The following FECH variants were observed in gnomAD, a reference collection of about 807,000 sequenced individuals.
FECH encodes the protein ferrochelatase.
FECH carries 40 observed loss-of-function variants against 56.9 expected under a neutral mutation model. The observed-to-expected ratio is 0.70, with a 90% CI of 0.55 to 0.92. The LOEUF is 0.92. FECH is among the 40% of genes least tolerant of loss of function. The probability of loss-of-function intolerance (pLI) is 0.00; values close to 1 mark genes in which losing one functional copy is unlikely to be tolerated. For missense variants in FECH, 431 were observed against 529.1 expected, an observed-to-expected ratio of 0.81 and a Z score of 1.82; for synonymous variants, 175 against 198.6, an observed-to-expected ratio of 0.88 and a Z score of 1.00.
chr18:57,581,573 G>A (rs1212906535), intron 1 of FECH, among the ~76,000 whole-genome samples: 1 of 152,174 alleles, frequency 6.6e-6, no homozygotes, highest in Non-Finnish European at 1.5e-5. Context: ...AGGAATTCAG[G>A]CTGTGGGTTA....
intron 6 of FECH, among the ~76,000 whole-genome samples, chr18:57,560,844 A>G (rs2050935042): frequency 6.6e-6 from 1 of 152,244 alleles, no homozygotes; most frequent in South Asian, 2.1e-4. Context: ...ATCAGTGGTC[A>G]GTGAAAACTA....
chr18:57,568,736 A>C (rs2051051790), intron 4 of FECH, among the ~76,000 whole-genome samples: 1 of 152,244 alleles, frequency 6.6e-6, no homozygotes, highest in South Asian at 2.1e-4. Flanking sequence ...TAGATTTTTA[A>C]ACAGCAAAAA....
rs968233308 is a variant in FECH, at chr18:57,586,584, G to T, written c.37C>A (p.Arg13Ser). Reference protein sequence around the residue: ...SLGANMAAALRAAGVLLRDPL... With the variant: ...SLGANMAAALSAAGVLLRDPL... ...TCGCGGAGCAGGACGCCCGCGGCGC[G>T]CAGGGCCGCAGCCATGTTTGCGCCG... Residue 13 changes from arginine to serine, a missense_variant, in exon 1 of 11, where the codon CGC (arginine) becomes AGC (serine). Arg to Ser is a moderately radical substitution (Grantham distance 110). Transcript: ENST00000262093. 3.4e-5 allele frequency: 52 copies of T among 1,521,676 alleles called. No homozygotes were observed. Among genetic ancestry groups the T allele is most frequent in the Non-Finnish European group, 4.5e-5 (51 of 1,141,666 alleles). 94.3% of individuals were successfully genotyped at this position (1,521,676 alleles called of 1,614,324 possible). A position where few individuals can be genotyped will look rare whatever the true frequency, so the allele number is the denominator to read the frequency against.
chr18:57,586,199 A>G (rs192311244), intron 1 of FECH, among the ~76,000 whole-genome samples: 1 of 152,318 alleles, frequency 6.6e-6, no homozygotes, highest in East Asian at 1.9e-4. Context: ...ACTATCCTCT[A>G]TGGCAGGCCC....
intron 6 of FECH, among the ~76,000 whole-genome samples, chr18:57,561,866 A>G (rs963298782): frequency 2.0e-5 from 3 of 152,188 alleles, no homozygotes; most frequent in African/African-American, 4.8e-5. Context: ...ACAGCCATCA[A>G]TGGTGCACAC....
chr18:57,570,736 T>C (rs550389402), intron 4 of FECH, among the ~76,000 whole-genome samples: 1 of 152,340 alleles, frequency 6.6e-6, no homozygotes, highest in Admixed American at 6.5e-5. Flanking sequence ...AAAAACAGGG[T>C]GTCCTGCAAT....
intron 6 of FECH, among the ~76,000 whole-genome samples, chr18:57,562,628 C>T (rs533864827): frequency 2.6e-5 from 4 of 152,154 alleles, no homozygotes; most frequent in Admixed American, 6.6e-5. Flanking sequence ...CTCAAAATAT[C>T]GTTTTGTTAT....
chr18:57,573,891 G>A (rs968435458), intron 2 of FECH, among the ~76,000 whole-genome samples: 1 of 152,154 alleles, frequency 6.6e-6, no homozygotes, highest in African/African-American at 2.4e-5. Context: ...CACAGAGCAG[G>A]GTTCCCCCAA....
rs1041783473 is a variant in FECH, at chr18:57,547,745, A to G, written c.*2967T>C. On this transcript the variant is annotated 3_prime_UTR_variant, in exon 11 of 11. Coordinates refer to ENST00000262093, the MANE Select transcript of FECH (RefSeq NM_000140.5). The stretch of plus-strand genomic sequence containing the variant: ...ACTGCTGGGCTCAAGCAATCCTACC[A>G]CCTCAGCCTCCTAAGTAGCTGGAAC... Among the ~76,000 whole-genome samples, 2 of 151,848 alleles carry G rather than the reference A, an allele frequency of 1.3e-5. No homozygotes were observed. The highest frequency in any genetic ancestry group is 2.9e-5 in the Non-Finnish European group (2 of 67,958).
In FECH at chr18:57,554,407, C is replaced by A. The variant is rs774310774; in HGVS notation, c.930G>T (p.Trp310Cys). Reference sequence around the variant, plus strand: ...TAGATTCGTCTGTTTGAGGACCCAACCAGGGCATTGGACCAACCTATGCGA... The same window carrying A: ...TAGATTCGTCTGTTTGAGGACCCAAACAGGGCATTGGACCAACCTATGCGA... ...VWQSKVGPMP[W>C]LGPQTDESIK... is the part of the protein sequence containing the mutation. Residue 310 changes from tryptophan to cysteine, a missense_variant, in exon 9 of 11, where the codon TGG becomes TGT. Coordinates refer to ENST00000262093, the MANE Select transcript of FECH (RefSeq NM_000140.5). 1.2e-6 allele frequency: 2 copies of A among 1,614,194 alleles called. No homozygotes were observed. The highest frequency in any genetic ancestry group is 1.7e-6 in the Non-Finnish European group (2 of 1,180,010).
intron 5 of FECH, 81 bp downstream of exon 5, chr18:57,566,366 C>A: frequency 6.3e-7 from 1 of 1,591,144 alleles, no homozygotes; most frequent in Non-Finnish European, 8.6e-7. Flanking sequence ...AATAATTCAT[C>A]CTTCCCTTCA....
intron 9 of FECH, among the ~76,000 whole-genome samples, chr18:57,552,013 A>G (rs960065737): frequency 3.3e-5 from 5 of 151,354 alleles, no homozygotes; most frequent in Non-Finnish European, 7.4e-5. Context: ...CCTCTCAAGT[A>G]GCTGAGATTA....
chr18:57,581,227 T>C lies in FECH; in HGVS notation c.68-1028A>G, dbSNP rs562660598. Reference sequence around the variant, plus strand: ...AGAACATATTTCCCAGTTTGTTAGCTTGCTATATCCCACATACCATATATG... The same window carrying C: ...AGAACATATTTCCCAGTTTGTTAGCCTGCTATATCCCACATACCATATATG... On this transcript the variant is annotated intron_variant, in intron 1 of 10. Coordinates refer to ENST00000262093, the MANE Select transcript of FECH (RefSeq NM_000140.5). Among the ~76,000 whole-genome samples the C allele has an allele frequency of 2.0e-5, 3 of 152,346 alleles. No individual in the cohort carries two copies. In the South Asian group the frequency reaches 6.2e-4, roughly 32 times the overall value.
rs781498373 is a variant in FECH at position 57,580,189 on chromosome 18, G to A, written c.78C>T (p.Ser26=). Residue 26 remains serine (S), a synonymous_variant, in exon 2 of 11, where the codon AGC becomes AGT. Coordinates refer to ENST00000262093, the MANE Select transcript of FECH (RefSeq NM_000140.5). ...TCCATGGCTGACAGACCCTCCAGCTGCTGGATGCCACTGTGACAAAATTAA... is the reference window on the plus strand; with the variant it reads ...TCCATGGCTGACAGACCCTCCAGCTACTGGATGCCACTGTGACAAAATTAA... ...GVLLRDPLAS[S]SWRVCQPWRW... The A allele has an allele frequency of 6.2e-7, 1 of 1,614,190 alleles. No individual in the cohort carries two copies. The highest frequency in any genetic ancestry group is 1.1e-5 in the South Asian group (1 of 91,084).
intron 5 of FECH, among the ~76,000 whole-genome samples, chr18:57,565,841 T>A (rs1447262325): frequency 6.6e-6 from 1 of 152,120 alleles, no homozygotes; most frequent in African/African-American, 2.4e-5. Context: ...TTGCCTACAA[T>A]GAATGATACA....
rs2050730152 is a variant in FECH, at chr18:57,547,066, T to C, written c.*3646A>G. 6.6e-6 allele frequency among the ~76,000 whole-genome samples: 1 copy of C among 151,978 alleles called. No individual in the cohort carries two copies. The highest frequency in any genetic ancestry group is 2.4e-5 in the African/African-American group (1 of 41,380). On this transcript the variant is annotated 3_prime_UTR_variant, in exon 11 of 11. Transcript: ENST00000262093. The stretch of plus-strand genomic sequence containing the variant: ...TAGCCCCTGTGTTTTGGCCAATTTC[T>C]CCCATTTGGAATGGGAACATTTACC...
intron 4 of FECH, among the ~76,000 whole-genome samples, chr18:57,569,704 C>T (rs1035043832): frequency 6.6e-6 from 1 of 151,908 alleles, no homozygotes; most frequent in African/African-American, 2.4e-5. Context: ...GTGTGCCCCA[C>T]CCCCATGCTC....
At chr18:57,563,901 G>C (rs1179908155) in intron 5 of FECH, among the ~76,000 whole-genome samples, 1 of 152,102 alleles carries the variant, frequency 6.6e-6, no homozygotes, top group Admixed American at 6.6e-5. Context: ...TTTGTGAGAT[G>C]GAGTTTTGCT....
chr18:57,563,132 A>G, intron 5 of FECH, 152 bp from the exon 6 acceptor site: 1 of 691,004 alleles, frequency 1.4e-6, no homozygotes, highest in Non-Finnish European at 2.6e-6. Context: ...TCTAAAATGC[A>G]TATAGATTTA....
Sources: allele counts gnomAD v4.1 joint callset (sites outside exome capture counted in the v4.1 genomes callset), GRCh38; gene constraint gnomAD v4.1.1; transcripts MANE v1.5; gene names NCBI Gene and HGNC (gene_info 2026-07-23, HGNC 2026-07-21).